FER1L6: variants seen among roughly 807,000 people sequenced by gnomAD.
The protein encoded by FER1L6 is fer-1-like protein 6.
FER1L6 carries 177 observed loss-of-function variants against 219.2 expected under a neutral mutation model. That is an observed-to-expected ratio of 0.81 (90% CI 0.71 to 0.91). The LOEUF (loss-of-function observed/expected upper bound fraction) is 0.91. Ranked by LOEUF, FER1L6 falls within the 40% of genes least tolerant of loss-of-function variation. The pLI is 0.00. For synonymous variants in FER1L6, 768 were observed against 824.3 expected (o/e 0.93, Z 1.17); for missense variants, 2,153 against 2,259.9 (o/e 0.95, Z 0.96).
intron 2 of FER1L6, among the ~76,000 whole-genome samples, chr8:123,957,889 G>C (rs939984298): frequency 3.3e-5 from 5 of 152,178 alleles, no homozygotes; most frequent in African/African-American, 9.7e-5. Context: ...CCCTGTGGGA[G>C]ACTGAAAAAA....
rs1359589464 is a variant in FER1L6, at chr8:123,853,182, T to C, written c.-8+997T>C. Among the ~76,000 whole-genome samples the C allele has an allele frequency of 6.6e-6, 1 of 151,994 alleles. No homozygotes were observed. The highest frequency in any genetic ancestry group is 2.4e-5 in the African/African-American group (1 of 41,372). On this transcript the variant is annotated intron_variant, in intron 1 of 40. Transcript: ENST00000522917. The surrounding 1 kb of genome is among the most constrained non-coding windows in gnomAD (Gnocchi z 6.6). ...TAGACGAAATCTTTTTTTGAGACAG[T>C]CTCACTCTATAGCCCAGGCTGGAGT... is the stretch of plus-strand genomic sequence containing the variant.
chr8:124,032,535 C>G (rs1250107828), intron 18 of FER1L6, among the ~76,000 whole-genome samples: 1 of 151,984 alleles, frequency 6.6e-6, no homozygotes, highest in Non-Finnish European at 1.5e-5. Flanking sequence ...TTGAGATGAC[C>G]CTAGGAAACA....
At chr8:123,913,256 G>T (rs987895835) in intron 1 of FER1L6, among the ~76,000 whole-genome samples, 1 of 80,350 alleles carries the variant, frequency 1.2e-5, no homozygotes, top group African/African-American at 5.1e-5. Flanking sequence ...TACAAATGGG[G>T]TTAGTTCCAT....
At chr8:123,891,838 C>T (rs1812654586) in intron 1 of FER1L6, among the ~76,000 whole-genome samples, 1 of 152,150 alleles carries the variant, frequency 6.6e-6, no homozygotes, top group South Asian at 2.1e-4. Flanking sequence ...GAAATTACAA[C>T]CATTCAGTTC....
intron 5 of FER1L6, among the ~76,000 whole-genome samples, chr8:123,969,328 C>T (rs766355080): frequency 1.3e-5 from 2 of 152,088 alleles, no homozygotes; most frequent in Non-Finnish European, 2.9e-5. Flanking sequence ...CTGGTAATTT[C>T]ACAGGGATGT....
At chr8:124,007,104 G>A (rs1403369609) in intron 13 of FER1L6, among the ~76,000 whole-genome samples, 1 of 152,174 alleles carries the variant, frequency 6.6e-6, no homozygotes, top group African/African-American at 2.4e-5. Flanking sequence ...TCTCTTCTGA[G>A]TAAACACCTG....
chr8:124,078,084 G>C (rs1311899048), intron 32 of FER1L6, among the ~76,000 whole-genome samples: 3 of 152,170 alleles, frequency 2.0e-5, no homozygotes, highest in Non-Finnish European at 4.4e-5. Flanking sequence ...AGAAGTATTT[G>C]AGCAGGGACT....
At chr8:123,870,797 A>G (rs1372241916) in intron 1 of FER1L6, among the ~76,000 whole-genome samples, 1 of 152,208 alleles carries the variant, frequency 6.6e-6, no homozygotes, top group Non-Finnish European at 1.5e-5. Flanking sequence ...CTTGATATAT[A>G]CAAATTTAAA....
At chr8:123,868,387 T>C (rs1261154703) in intron 1 of FER1L6, among the ~76,000 whole-genome samples, 1 of 152,224 alleles carries the variant, frequency 6.6e-6, no homozygotes, top group Non-Finnish European at 1.5e-5. Flanking sequence ...GCATCATTTC[T>C]AGGGCAATGA....
intron 1 of FER1L6, among the ~76,000 whole-genome samples, chr8:123,955,133 G>T (rs534966992): frequency 6.6e-6 from 1 of 152,158 alleles, no homozygotes; most frequent in African/African-American, 2.4e-5. Flanking sequence ...TACGGGCATG[G>T]TGGCAGGCCC....
At chr8:123,856,340 A>ATATATATATATATATATGTATGTGTG (rs1563663693) in intron 1 of FER1L6, among the ~76,000 whole-genome samples, 1 of 130,978 alleles carries the variant, frequency 7.6e-6, no homozygotes, top group African/African-American at 3.0e-5. Context: ...ATATATATAT[A>ATATATATATATATATATGTATGTGTG]TATATATATT....
At chr8:123,979,794 C>T (rs945647469) in intron 10 of FER1L6, among the ~76,000 whole-genome samples, 21 of 152,158 alleles carry the variant, frequency 1.4e-4, no homozygotes, top group Admixed American at 3.9e-4. Context: ...CCATAGTGAT[C>T]TTAAGACATA....
intron 1 of FER1L6, among the ~76,000 whole-genome samples, chr8:123,938,868 A>G (rs920452822): frequency 2.0e-5 from 3 of 152,170 alleles, no homozygotes; most frequent in African/African-American, 7.2e-5. Flanking sequence ...TCTTGAGATG[A>G]CACCTATTTC....
intron 22 of FER1L6, among the ~76,000 whole-genome samples, chr8:124,051,440 T>C (rs940377903): frequency 2.2e-4 from 33 of 152,132 alleles, no homozygotes; most frequent in African/African-American, 8.0e-4. Flanking sequence ...AGTTTCACCA[T>C]TTATTAGTGT....
chr8:124,111,765 G>T lies in FER1L6; in HGVS notation c.5290-7079G>T, dbSNP rs1563807021. ...AGGTCACTCTTGTTCTCTGGTCGGT[G>T]GGTTTTGGCCGGCTTCTTTACTGCA... On this transcript the variant is annotated intron_variant, in intron 39 of 40. Transcript: ENST00000522917. This position sits in a 1 kb window ranked among gnomAD's most constrained non-coding sequence, Gnocchi z 5.0. 6.6e-6 allele frequency among the ~76,000 whole-genome samples: 1 copy of T among 152,092 alleles called. No homozygotes were observed.
At chr8:123,868,326 A>AGG (rs1174963425) in intron 1 of FER1L6, among the ~76,000 whole-genome samples, 2 of 152,190 alleles carry the variant, frequency 1.3e-5, no homozygotes, top group Non-Finnish European at 2.9e-5. Context: ...TTGGACATTG[A>AGG]GGGAGGAATC....
At chr8:123,959,387 C>G (rs1815168998) in intron 2 of FER1L6, among the ~76,000 whole-genome samples, 1 of 152,206 alleles carries the variant, frequency 6.6e-6, no homozygotes, top group Non-Finnish European at 1.5e-5. Context: ...CCTGAAGGCC[C>G]TTGCAGTCAA....
chr8:124,017,274 C>T (rs1818242984), intron 15 of FER1L6, among the ~76,000 whole-genome samples: 1 of 152,090 alleles, frequency 6.6e-6, no homozygotes, highest in Admixed American at 6.5e-5. Context: ...ATTTGTTTTA[C>T]ATACAACTTT....
Position 124,003,176 on chromosome 8 carries a change from G to T in FER1L6, c.1529G>T (p.Gly510Val), listed in dbSNP as rs779493100. The T allele has an allele frequency of 5.6e-6, 9 of 1,613,494 alleles. No homozygotes were observed. In the African/African-American group the frequency reaches 1.1e-4, roughly 19 times the overall value. The stretch of plus-strand genomic sequence containing the variant: ...GCTACTGCCTCTGCAGGTAATTTTG[G>T]AAACCTGATTGATGGAGGATCCCAT... The part of the protein sequence containing the change: ...ISFEVSIGNF[G>V]NLIDGGSHHG... Residue 510 changes from glycine (G) to valine (V), a missense_variant, in exon 13 of 41, where the codon GGA becomes GTA. Gly to Val is a moderately radical substitution (Grantham distance 109, BLOSUM62 -3). Coordinates refer to ENST00000522917, the MANE Select transcript of FER1L6 (RefSeq NM_001039112.2).
Sources: gnomAD v4.1 joint callset for allele counts (sites outside exome capture counted in the v4.1 genomes callset) on GRCh38, gnomAD v4.1.1 for gene constraint, Gnocchi (gnomAD v3.1) non-coding constraint, MANE v1.5 for transcripts, NCBI Gene and HGNC (gene_info 2026-07-23, HGNC 2026-07-21) for gene names.